TTC6: variants seen among roughly 807,000 people sequenced by gnomAD.
TTC6 encodes tetratricopeptide repeat domain 6, also known as tetratricopeptide repeat protein 6.
A neutral mutation model predicts 210.4 loss-of-function variants in TTC6; 172 were observed. That is an observed-to-expected ratio of 0.82 (90% CI 0.72 to 0.93). The LOEUF (loss-of-function observed/expected upper bound fraction) is 0.93, where lower values mean the gene tolerates loss of function less well. Among genes scored for constraint, TTC6 ranks in the 40% least tolerant of loss-of-function variants. TTC6 has a pLI of 0.00. For missense variants in TTC6, 2,414 were observed against 2,318.1 expected (o/e 1.04, Z -0.85); for synonymous variants, 804 against 819.6 (o/e 0.98, Z 0.32).
At chr14:37,607,039 A>T (rs975503687) in intron 2 of TTC6, among the ~76,000 whole-genome samples, 3 of 152,288 alleles carry the variant, frequency 2.0e-5, no homozygotes, top group Non-Finnish European at 2.9e-5. Context: ...TACAAAGCAC[A>T]TACAACAGTC....
chr14:37,686,540 T>C (rs1158714289), intron 3 of TTC6, among the ~76,000 whole-genome samples: 1 of 152,186 alleles, frequency 6.6e-6, no homozygotes, highest in Non-Finnish European at 1.5e-5. Flanking sequence ...ATTAGTCTGT[T>C]TTCATGCTGC....
At chr14:37,698,703 A>G (rs1041972794) in intron 4 of TTC6, among the ~76,000 whole-genome samples, 3 of 152,102 alleles carry the variant, frequency 2.0e-5, no homozygotes, top group Non-Finnish European at 4.4e-5. Context: ...AATGCCATAG[A>G]CCACTCTCTA....
At chr14:37,827,407 A>T in intron 29 of TTC6, 41 bp downstream of exon 31, 1 of 1,592,852 alleles carries the variant, frequency 6.3e-7, no homozygotes, top group Non-Finnish European at 8.6e-7. Flanking sequence ...TTGACCTGGA[A>T]TGCTTTCTTT....
intron 1 of TTC6, among the ~76,000 whole-genome samples, chr14:37,644,665 G>T (rs540052491): frequency 6.6e-6 from 1 of 152,230 alleles, no homozygotes; most frequent in East Asian, 1.9e-4. Flanking sequence ...GACTCTTATG[G>T]CTCAAAGTGT....
chr14:37,824,624 C>A (rs2096166038), intron 27 of TTC6, among the ~76,000 whole-genome samples: 1 of 152,094 alleles, frequency 6.6e-6, no homozygotes, highest in Non-Finnish European at 1.5e-5. Flanking sequence ...AGGCATCAAA[C>A]AATTAATCAT....
intron 20 of TTC6, among the ~76,000 whole-genome samples, chr14:37,801,681 C>T (rs2096106983): frequency 6.6e-6 from 1 of 152,166 alleles, no homozygotes; most frequent in South Asian, 2.1e-4. Flanking sequence ...GTGCAGCCAA[C>T]AGCCAGCAAG....
At chr14:37,830,531 GTCTT>G (rs1412979091) in intron 29 of TTC6, among the ~76,000 whole-genome samples, 1 of 150,762 alleles carries the variant, frequency 6.6e-6, no homozygotes, top group Non-Finnish European at 1.5e-5. Flanking sequence ...CATTTTCTTT[GTCTT>G]TCTTTTGTAT....
chr14:37,667,745 C>T (rs2095750874), intron 1 of TTC6, among the ~76,000 whole-genome samples: 1 of 150,830 alleles, frequency 6.6e-6, no homozygotes, highest in African/African-American at 2.4e-5. Flanking sequence ...TAGGCTCTTA[C>T]CAGCTTTCAC....
At chr14:37,741,396 C>T (rs2095919356) in intron 10 of TTC6, among the ~76,000 whole-genome samples, 1 of 131,890 alleles carries the variant, frequency 7.6e-6, no homozygotes, top group South Asian at 2.7e-4. Flanking sequence ...TCAAGTGATT[C>T]CCATGCCTTA....
At chr14:37,600,034 G>C (rs1454676893) in intron 1 of TTC6, among the ~76,000 whole-genome samples, 1 of 152,174 alleles carries the variant, frequency 6.6e-6, no homozygotes, top group Non-Finnish European at 1.5e-5. Flanking sequence ...AAGGATCCTC[G>C]GGCTTTCCCG....
chr14:37,826,355 C>A lies in TTC6; in HGVS notation c.5127+8C>A. The A allele has an allele frequency of 1.3e-6, 2 of 1,590,176 alleles. No individual in the cohort carries two copies. The highest frequency in any genetic ancestry group is 1.7e-6 in the Non-Finnish European group (2 of 1,170,840). On this transcript the variant is annotated splice_region_variant and intron_variant, in intron 28 of 30. Transcript: ENST00000553443. The stretch of plus-strand genomic sequence containing the variant: ...ATTAATGCTGCCATGAAGGTAAAAA[C>A]CATCTTAGATTATATTATTATTAGC...
chr14:37,717,058 A>C (rs1306625598), intron 6 of TTC6, among the ~76,000 whole-genome samples: 1 of 152,110 alleles, frequency 6.6e-6, no homozygotes, highest in Non-Finnish European at 1.5e-5. Flanking sequence ...TGAAAATACA[A>C]CATATCAAAA....
intron 4 of TTC6, among the ~76,000 whole-genome samples, chr14:37,699,116 C>T (rs375588180): frequency 3.3e-5 from 5 of 152,054 alleles, no homozygotes; most frequent in East Asian, 3.9e-4. Flanking sequence ...CAAAAAGAGA[C>T]AGTTTGTAAA....
At chr14:37,803,659 G>C (rs560644593) in intron 20 of TTC6, among the ~76,000 whole-genome samples, 5 of 152,240 alleles carry the variant, frequency 3.3e-5, no homozygotes, top group Admixed American at 2.0e-4. Context: ...ATGGGGTCAA[G>C]GACAGCTTTT....
intron 2 of TTC6, among the ~76,000 whole-genome samples, chr14:37,608,570 G>T (rs1595002770): frequency 6.6e-6 from 1 of 152,252 alleles, no homozygotes; most frequent in South Asian, 2.1e-4. Flanking sequence ...GCCTTCCAAA[G>T]TGCTGGAATT....
chr14:37,637,127 C>A (rs1000524291), intron 1 of TTC6, among the ~76,000 whole-genome samples: 1 of 151,276 alleles, frequency 6.6e-6, no homozygotes. Context: ...AAAAGAAGAA[C>A]GAAAAACAAA....
chr14:37,620,525 G>C (rs1339878614), upstream of TTC6, among the ~76,000 whole-genome samples: 1 of 152,080 alleles, frequency 6.6e-6, no homozygotes, highest in Non-Finnish European at 1.5e-5. Context: ...GCCTCACACA[G>C]GTAAGTGTGC....
intron 20 of TTC6, 26 bp from the exon 23 acceptor site, chr14:37,804,654 C>T (rs924527431): frequency 3.1e-6 from 5 of 1,603,066 alleles, no homozygotes; most frequent in Non-Finnish European, 4.3e-6. Flanking sequence ...ATTTCTTGCC[C>T]CCTCCCTGCT....
intron 2 of TTC6, among the ~76,000 whole-genome samples, chr14:37,610,423 G>T (rs930417949): frequency 6.6e-6 from 1 of 152,188 alleles, no homozygotes. Flanking sequence ...AATTTGGAGA[G>T]AGAGGGGTTG....
Sources: gnomAD v4.1 joint callset for allele counts (sites outside exome capture counted in the v4.1 genomes callset) on GRCh38, gnomAD v4.1.1 for gene constraint, MANE v1.5 for transcripts, NCBI Gene and HGNC (gene_info 2026-07-23, HGNC 2026-07-21) for gene names.